Variants in THAP8 observed in about 807,000 individuals in gnomAD.
THAP8 encodes THAP domain containing 8.
In THAP8, 24 loss-of-function variants were observed where a neutral mutation model predicts 25.0. The observed-to-expected ratio is 0.96, with a 90% CI of 0.69 to 1.35. The LOEUF (loss-of-function observed/expected upper bound fraction) is 1.35. THAP8 is among the 40% of genes most tolerant of loss of function. THAP8 has a pLI of 0.00. For missense variants in THAP8, 399 were observed against 368.8 expected, an observed-to-expected ratio of 1.08 and a Z score of -0.67; for synonymous variants, 169 against 157.6, an observed-to-expected ratio of 1.07 and a Z score of -0.54.
intron 3 of THAP8, among the ~76,000 whole-genome samples, chr19:36,036,786 CAA>C (rs1473172661): frequency 1.3e-5 from 2 of 151,794 alleles, no homozygotes; most frequent in Non-Finnish European, 2.9e-5. Flanking sequence ...ACTACAAACA[CAA>C]AACTTAGCTG....
Position 36,039,528 on chromosome 19 carries a change from G to T in THAP8, c.467C>A (p.Thr156Asn), listed in dbSNP as rs75451634. Residue 156 changes from threonine to asparagine, a missense_variant, in exon 3 of 4, where the codon ACT becomes AAT. Coordinates refer to ENST00000292894, the MANE Select transcript of THAP8 (RefSeq NM_152658.3). ...GACTTCAGGTTGTGACCGCTCAGGA[G>T]TTGGCGCAGGGGCCAGGGGGGTCAG... ...MLLTPLAPAP[T>N]PERSQPEVPA... The T allele has an allele frequency of 1.7e-4, 268 of 1,556,050 alleles. No homozygotes were observed. The African/African-American group carries it at 2.3e-3, about 13-fold the overall frequency.
chr19:36,041,952 A>G (rs1216360632), intron 1 of THAP8, among the ~76,000 whole-genome samples: 1 of 152,154 alleles, frequency 6.6e-6, no homozygotes, highest in African/African-American at 2.4e-5. Context: ...GGGTGTGGCA[A>G]TGTGCATCTA....
At chr19:36,043,754 G>A (rs1969781406) in intron 1 of THAP8, among the ~76,000 whole-genome samples, 1 of 152,104 alleles carries the variant, frequency 6.6e-6, no homozygotes, top group Non-Finnish European at 1.5e-5. Context: ...CAGGCCTGGT[G>A]GCGTGTCCCT....
rs1236293259 is a variant in THAP8 at position 36,039,734 on chromosome 19, T to TGGGGTGCA, written c.277-24_277-17dup. 2.0e-6 allele frequency: 3 copies of TGGGGTGCA among 1,506,028 alleles called. No individual in the cohort carries two copies. Among genetic ancestry groups the TGGGGTGCA allele is most frequent in the South Asian group, 2.6e-5 (2 of 75,578 alleles). 93.3% of individuals were successfully genotyped at this position (1,506,028 alleles called of 1,614,324 possible). On this transcript the variant is annotated splice_polypyrimidine_tract_variant and intron_variant, in intron 2 of 3. Transcript: ENST00000292894. ...TCCGCTGACTCTGGAAGACAAGGCATGGGGTGCAGGGGTGCCGTGGTCAGA... is the reference window on the plus strand; with the variant it reads ...TCCGCTGACTCTGGAAGACAAGGCATGGGGTGCAGGGGTGCAGGGGTGCCGTGGTCAGA...
At chr19:36,036,940 C>CAAAAA (rs10522467) in intron 3 of THAP8, among the ~76,000 whole-genome samples, 4 of 113,174 alleles carry the variant, frequency 3.5e-5, no homozygotes, top group Non-Finnish European at 1.8e-5. Flanking sequence ...GACTCCTTCT[C>CAAAAA]AAAAAAAAAA....
At chr19:36,047,124 A>G (rs1969906299) in intron 1 of THAP8, among the ~76,000 whole-genome samples, 1 of 152,210 alleles carries the variant, frequency 6.6e-6, no homozygotes, top group African/African-American at 2.4e-5. Context: ...CAAATGCTCT[A>G]CCACTGAGCT....
chr19:36,039,991 G>A lies in THAP8; in HGVS notation c.229C>T (p.Arg77Trp), dbSNP rs148080678. Reference protein sequence around the residue: ...FQWRWGVRYLRPDAVPSIFSR... With the variant: ...FQWRWGVRYLWPDAVPSIFSR... Reference sequence around the variant, plus strand: ...AAGATGGAGGGCACTGCATCAGGCCGCAGGTAGCGCACACCCCAGCGCCAC... The same window carrying A: ...AAGATGGAGGGCACTGCATCAGGCCACAGGTAGCGCACACCCCAGCGCCAC... The change falls in exon 2 of 4, where the codon CGG becomes TGG. Residue 77 changes from arginine to tryptophan, a missense_variant. Coordinates refer to ENST00000292894, the MANE Select transcript of THAP8 (RefSeq NM_152658.3). The A allele has an allele frequency of 3.5e-4, 566 of 1,613,422 alleles. No homozygotes were observed. Among genetic ancestry groups the A allele is most frequent in the Non-Finnish European group, 4.5e-4 (535 of 1,179,946 alleles).
At chr19:36,035,981 T>C (rs1192447654) in intron 3 of THAP8, among the ~76,000 whole-genome samples, 1 of 151,682 alleles carries the variant, frequency 6.6e-6, no homozygotes, top group East Asian at 1.9e-4. Flanking sequence ...CAATGAATGT[T>C]GGGGAGGGAG....
intron 3 of THAP8, among the ~76,000 whole-genome samples, chr19:36,036,364 C>T (rs891216644): frequency 6.7e-6 from 1 of 149,508 alleles, no homozygotes; most frequent in African/African-American, 2.5e-5. Flanking sequence ...AAGCCTTGAC[C>T]TTCTGGACTC....
chr19:36,035,523 CTA>C lies in THAP8; in HGVS notation c.740_741del (p.Ile247SerfsTer81). 1 of 1,614,140 alleles carries C rather than the reference CTA, an allele frequency of 6.2e-7. No homozygotes were observed. Among genetic ancestry groups the C allele is most frequent in the Non-Finnish European group, 8.5e-7 (1 of 1,180,020 alleles). On this transcript the variant is annotated frameshift_variant, in exon 4 of 4. Transcript: ENST00000292894. LOFTEE classifies it high-confidence loss of function. The part of the protein sequence containing the change: ...TFTIICGGPD[I>X]AMVLAQDPAP... ...GCAGGGTCCTGGGCAAGGACCATGG[CTA>C]TGTCAGGCCCTCCACAGATGATGGT...
At chr19:36,036,475 G>A (rs998631768) in intron 3 of THAP8, among the ~76,000 whole-genome samples, 11 of 151,854 alleles carry the variant, frequency 7.2e-5, no homozygotes, top group African/African-American at 2.7e-4. Flanking sequence ...TCACCATGTT[G>A]CCCAGTCTGG....
intron 1 of THAP8, among the ~76,000 whole-genome samples, chr19:36,048,865 C>CAA (rs1020228535): frequency 2.7e-4 from 33 of 120,284 alleles, no homozygotes; most frequent in Non-Finnish European, 4.9e-4. Flanking sequence ...AACAAAAAAA[C>CAA]AAAAAACACC....
intron 1 of THAP8, 57 bp from the exon 2 acceptor site, chr19:36,040,193 C>G: frequency 2.7e-6 from 4 of 1,503,780 alleles, no homozygotes; most frequent in Non-Finnish European, 2.7e-6. Context: ...TTATCCCTCC[C>G]AGAGGATACC....
chr19:36,054,595 C>T, upstream of THAP8: 2 of 539,460 alleles, frequency 3.7e-6, no homozygotes, highest in South Asian at 4.2e-5. Context: ...ATCCGGGCAA[C>T]CGTTGGGGCG....
intron 3 of THAP8, 25 bp downstream of exon 3, chr19:36,039,298 G>T: frequency 6.9e-7 from 1 of 1,443,158 alleles, no homozygotes; most frequent in Non-Finnish European, 9.0e-7. Context: ...CATGGATGGG[G>T]CTGCCAGGCT....
At chr19:36,052,994 A>G (rs577115181) in intron 1 of THAP8, among the ~76,000 whole-genome samples, 110 of 152,262 alleles carry the variant, frequency 7.2e-4, no homozygotes, top group African/African-American at 2.5e-3. Context: ...AGGCCGAGGC[A>G]GGAGGACTGC....
intron 1 of THAP8, among the ~76,000 whole-genome samples, chr19:36,048,860 A>AAC (rs1958561114): frequency 6.7e-6 from 1 of 148,396 alleles, no homozygotes; most frequent in Non-Finnish European, 1.5e-5. Context: ...AAAAAAACAA[A>AAC]AAAACAAAAA....
chr19:36,044,065 C>T (rs1969794347), intron 1 of THAP8, among the ~76,000 whole-genome samples: 1 of 152,082 alleles, frequency 6.6e-6, no homozygotes, highest in Non-Finnish European at 1.5e-5. Context: ...TCTATTTAGA[C>T]CTGGGCTCAA....
At chr19:36,054,496 G>A (rs937301017), upstream of THAP8, 1 of 576,932 alleles carries the variant, frequency 1.7e-6, no homozygotes. Context: ...TCACGTGTTG[G>A]GGGGAAGGGC....
Sources: gnomAD v4.1 joint callset for allele counts (sites outside exome capture counted in the v4.1 genomes callset) on GRCh38, gnomAD v4.1.1 for gene constraint, MANE v1.5 for transcripts, NCBI Gene and HGNC (gene_info 2026-07-23, HGNC 2026-07-21) for gene names.